The following DIPK2B variants were observed in gnomAD, a reference collection of about 807,000 sequenced individuals.
The protein encoded by DIPK2B is UPF0672 protein CXorf36.
A neutral mutation model predicts 22.2 loss-of-function variants in DIPK2B; 15 were observed. That is an observed-to-expected ratio of 0.68 (90% CI 0.45 to 1.04). The LOEUF is 1.04. DIPK2B is among the 50% of genes least tolerant of loss of function. The pLI, the probability that DIPK2B is intolerant of heterozygous loss-of-function variation, is 0.00. For synonymous variants in DIPK2B, 163 were observed against 153.2 expected (o/e 1.06, Z -0.47); for missense variants, 345 against 348.3 (o/e 0.99, Z 0.08).
intron 2 of DIPK2B, chrX:45,162,242 G>T: frequency 3.2e-6 from 1 of 315,752 alleles, no homozygotes; most frequent in Non-Finnish European, 4.2e-6. Context: ...GCCATGTGGA[G>T]CTTGGTGAGC....
chrX:45,150,623 A>G lies in DIPK2B; in HGVS notation c.*1029T>C, dbSNP rs2046955236. The G allele has an allele frequency of 9.0e-6, 1 of 110,984 alleles. No homozygotes were observed. Among genetic ancestry groups the G allele is most frequent in the Non-Finnish European group, 1.9e-5 (1 of 53,020 alleles). The allele number at this position is 110,984 out of a possible 1,213,427, so 9.1% of individuals were successfully genotyped here. On this transcript the variant is annotated 3_prime_UTR_variant, in exon 5 of 5. Transcript: ENST00000398000. ...CCCCTGCTGCTGTGCTCTGAAATCT[A>G]TCTTTGCTGTTTCCGCCAACCACTG...
intron 2 of DIPK2B, among the ~76,000 whole-genome samples, chrX:45,188,905 A>T (rs900563300): frequency 2.7e-5 from 3 of 112,011 alleles, no homozygotes; most frequent in African/African-American, 9.7e-5. Context: ...ATGTTGTAGT[A>T]TGTATCAGCA....
intron 2 of DIPK2B, among the ~76,000 whole-genome samples, chrX:45,165,150 G>T (rs1325359064): frequency 9.0e-6 from 1 of 111,035 alleles, no homozygotes; most frequent in African/African-American, 3.3e-5. Flanking sequence ...AACATGGGCT[G>T]TTCTTGTTAT....
At chrX:45,169,047 G>C (rs1309409824) in intron 2 of DIPK2B, among the ~76,000 whole-genome samples, 1 of 111,584 alleles carries the variant, frequency 9.0e-6, no homozygotes, top group African/African-American at 3.3e-5. Context: ...TCTGAGCCAG[G>C]GGACCCATTA....
At chrX:45,161,667 G>A (rs781712366) in intron 2 of DIPK2B, among the ~76,000 whole-genome samples, 3 of 112,544 alleles carry the variant, frequency 2.7e-5, no homozygotes, top group Non-Finnish European at 5.6e-5. Context: ...CAGTTAGGAA[G>A]ACGCAGTGAT....
At chrX:45,166,846 T>C (rs1054172558) in intron 2 of DIPK2B, among the ~76,000 whole-genome samples, 1 of 112,138 alleles carries the variant, frequency 8.9e-6, no homozygotes, top group Admixed American at 9.4e-5. Context: ...GCCAGCTACA[T>C]TTGGAAGGCT....
intron 2 of DIPK2B, among the ~76,000 whole-genome samples, chrX:45,158,296 G>A (rs1242344490): frequency 9.1e-6 from 1 of 109,880 alleles, no homozygotes; most frequent in African/African-American, 3.3e-5. Flanking sequence ...GAGGAAGAAG[G>A]GGAGAGAAGG....
intron 3 of DIPK2B, among the ~76,000 whole-genome samples, chrX:45,156,695 A>G (rs183366781): frequency 7.9e-4 from 88 of 111,391 alleles, no homozygotes; most frequent in Non-Finnish European, 1.4e-3. Flanking sequence ...AAAAGGGGAC[A>G]ATAATAATAT....
chrX:45,163,617 A>G (rs2047033014), intron 2 of DIPK2B: 3 of 754,388 alleles, frequency 4.0e-6, no homozygotes, highest in Non-Finnish European at 4.7e-6. Context: ...CAGAATGGAA[A>G]CATAAAAGAT....
intron 2 of DIPK2B, among the ~76,000 whole-genome samples, chrX:45,174,342 G>A (rs1047224166): frequency 1.8e-5 from 2 of 111,973 alleles, no homozygotes; most frequent in Non-Finnish European, 3.8e-5. Flanking sequence ...CTTATATAAA[G>A]TAGGACCTTC....
chrX:45,194,116 A>G (rs779992871), intron 1 of DIPK2B, among the ~76,000 whole-genome samples: 10 of 112,205 alleles, frequency 8.9e-5, no homozygotes, highest in Non-Finnish European at 1.9e-4. Context: ...CATACAGATG[A>G]GGAAACTGAG....
At chrX:45,170,003 G>A (rs1315579043) in intron 2 of DIPK2B, among the ~76,000 whole-genome samples, 1 of 110,507 alleles carries the variant, frequency 9.0e-6, no homozygotes, top group African/African-American at 3.3e-5. Flanking sequence ...CAGAATTTTG[G>A]GAGGCTGAGG....
At chrX:45,162,914 G>A (rs2148336445) in intron 2 of DIPK2B, 2 of 753,915 alleles carry the variant, frequency 2.7e-6, no homozygotes, top group Non-Finnish European at 3.1e-6. Context: ...GAGAGTGGCT[G>A]TCACAGTTCT....
intron 2 of DIPK2B, among the ~76,000 whole-genome samples, chrX:45,178,761 A>G (rs2047132735): frequency 9.0e-6 from 1 of 111,669 alleles, no homozygotes; most frequent in Admixed American, 9.6e-5. Context: ...GCAGCATGTG[A>G]GTAGGGTAGG....
rs757654471 is a variant in DIPK2B at position 45,151,641 on chromosome X, A to G, written c.*11T>C. ...GCGTGTTGTCCCCAAGGCCAGCTAG[A>G]CACCAGCCCTTCAGAACTTATCGTT... On this transcript the variant is annotated 3_prime_UTR_variant, in exon 5 of 5. Coordinates refer to ENST00000398000, the MANE Select transcript of DIPK2B (RefSeq NM_176819.4). 1 of 1,200,593 alleles carries G rather than the reference A, an allele frequency of 8.3e-7. No individual in the cohort carries two copies. Among genetic ancestry groups the G allele is most frequent in the Non-Finnish European group, 1.1e-6 (1 of 888,047 alleles).
intron 2 of DIPK2B, chrX:45,183,330 C>G (rs766823515): frequency 8.1e-5 from 9 of 111,751 alleles, no homozygotes; most frequent in Middle Eastern, 4.2e-3. Flanking sequence ...ATAAAGGAAG[C>G]CTTCATTGTT....
intron 2 of DIPK2B, among the ~76,000 whole-genome samples, chrX:45,170,885 C>G (rs2047077419): frequency 8.9e-6 from 1 of 112,400 alleles, no homozygotes; most frequent in African/African-American, 3.2e-5. Context: ...CATGTGGTAC[C>G]TTGCTTAGTT....
chrX:45,192,154 G>A, intron 1 of DIPK2B, 139 bp from the exon 2 acceptor site: 1 of 638,209 alleles, frequency 1.6e-6, no homozygotes, highest in African/African-American at 2.2e-5. Flanking sequence ...CTTTCTGTGA[G>A]AGGACTATTT....
intron 1 of DIPK2B, among the ~76,000 whole-genome samples, 178 bp from the exon 2 acceptor site, chrX:45,192,193 A>G (rs1419118564): frequency 1.8e-5 from 2 of 112,039 alleles, no homozygotes; most frequent in Non-Finnish European, 3.8e-5. Context: ...GGTAGTGTAT[A>G]TGTCATATCA....
Sources: gnomAD v4.1 joint callset for allele counts (sites outside exome capture counted in the v4.1 genomes callset) on GRCh38, gnomAD v4.1.1 for gene constraint, MANE v1.5 for transcripts, NCBI Gene and HGNC (gene_info 2026-07-23, HGNC 2026-07-21) for gene names.